Variants in GTSF1 observed in about 807,000 individuals in gnomAD.
GTSF1 encodes the protein gametocyte specific factor 1.
GTSF1 carries 11 observed loss-of-function variants against 28.9 expected under a neutral mutation model. That is an observed-to-expected ratio of 0.38 (90% confidence interval 0.24 to 0.63). The LOEUF (loss-of-function observed/expected upper bound fraction) is 0.63, where lower values mean the gene tolerates loss of function less well. GTSF1 is among the 30% of genes least tolerant of loss of function. GTSF1 has a pLI of 0.56. For synonymous variants in GTSF1, 69 were observed against 65.6 expected, an observed-to-expected ratio of 1.05 and a Z score of -0.25; for missense variants, 146 against 201.0, an observed-to-expected ratio of 0.73 and a Z score of 1.66.
At position 54,462,668 on chromosome 12, in the gene GTSF1, G is replaced by A. The variant is rs1956442737; in HGVS notation, c.302C>T (p.Pro101Leu). The change falls in exon 5 of 9, where the codon CCT becomes CTT. Residue 101 changes from proline to leucine, a missense_variant. Transcript: ENST00000305879. Reference protein sequence around the residue: ...ETLAESTWQCPPCDEDWDKDL... With the variant: ...ETLAESTWQCLPCDEDWDKDL... ...TTTATCCCAGTCTTCATCGCAAGGA[G>A]GGCACTGCCAAGTGCTCTCAGCCAG... 4 of 1,613,996 alleles carry A rather than the reference G, an allele frequency of 2.5e-6. No individual in the cohort carries two copies. Among genetic ancestry groups the A allele is most frequent in the Non-Finnish European group, 3.4e-6 (4 of 1,179,858 alleles).
chr12:54,473,200 C>T (rs757090882), intron 1 of GTSF1, among the ~76,000 whole-genome samples: 2 of 152,002 alleles, frequency 1.3e-5, no homozygotes, highest in Non-Finnish European at 2.9e-5. Flanking sequence ...ATGTAGTCGG[C>T]GGCTACTGGT....
intron 2 of GTSF1, among the ~76,000 whole-genome samples, chr12:54,470,652 T>A (rs921712975): frequency 6.6e-6 from 1 of 152,232 alleles, no homozygotes; most frequent in Non-Finnish European, 1.5e-5. Context: ...TGTGGTGTCA[T>A]GTAGGGTACT....
chr12:54,461,988 C>G (rs1956430293), intron 6 of GTSF1, 121 bp downstream of exon 6: 1 of 680,572 alleles, frequency 1.5e-6, no homozygotes, highest in Non-Finnish European at 2.6e-6. Flanking sequence ...AATATCTAGA[C>G]TAAACTACCA....
chr12:54,461,625 A>T (rs1267250777), intron 6 of GTSF1, among the ~76,000 whole-genome samples: 1 of 152,170 alleles, frequency 6.6e-6, no homozygotes, highest in Non-Finnish European at 1.5e-5. Context: ...CCTGGTTGAC[A>T]GAGTCCCTGT....
chr12:54,461,948 C>T (rs968286647), intron 6 of GTSF1, among the ~76,000 whole-genome samples, 161 bp downstream of exon 6: 1 of 152,090 alleles, frequency 6.6e-6, no homozygotes, highest in Admixed American at 6.5e-5. Context: ...CTTTTTGAAT[C>T]AAGGAATAAA....
intron 8 of GTSF1, among the ~76,000 whole-genome samples, chr12:54,456,946 G>A (rs1439840301): frequency 1.3e-5 from 2 of 152,146 alleles, no homozygotes; most frequent in East Asian, 1.9e-4. Flanking sequence ...TTAGCCGGGC[G>A]TGGTGGCACA....
rs922702483 is a variant in GTSF1, at chr12:54,459,928, G to T, written c.487+449C>A. On this transcript the variant is annotated intron_variant, in intron 7 of 8. Transcript: ENST00000305879. ...TTTTTAGTAGAGACGGGGTTTCACCGTTTTAGCCGGGATGGTCTCGATCTC... is the reference window on the plus strand; with the variant it reads ...TTTTTAGTAGAGACGGGGTTTCACCTTTTTAGCCGGGATGGTCTCGATCTC... 3.2e-3 allele frequency among the ~76,000 whole-genome samples: 395 copies of T among 125,236 alleles called. 45 individuals are homozygous for T. Among genetic ancestry groups the T allele is most frequent in the African/African-American group, 0.013 (386 of 29,962 alleles). 82.2% of individuals were successfully genotyped at this position (125,236 alleles called of 152,430 possible).
chr12:54,456,972 C>G (rs1227694839), intron 8 of GTSF1, among the ~76,000 whole-genome samples: 7 of 152,128 alleles, frequency 4.6e-5, no homozygotes, highest in African/African-American at 1.7e-4. Context: ...GTAATCCCAG[C>G]TATTTGGGAG....
chr12:54,459,025 C>A, intron 8 of GTSF1, 64 bp downstream of exon 8: 1 of 1,169,712 alleles, frequency 8.5e-7, no homozygotes, highest in Non-Finnish European at 1.2e-6. Context: ...ACCCAAATTG[C>A]TTTATGTCCA....
At chr12:54,459,423 T>C in intron 7 of GTSF1, 3 of 1,355,466 alleles carry the variant, frequency 2.2e-6, no homozygotes, top group Non-Finnish European at 2.9e-6. Flanking sequence ...GCTCAAACAG[T>C]AGCACAGACT....
In GTSF1 at chr12:54,456,945, C is replaced by T. The variant is rs560199181; in HGVS notation, c.*21-792G>A. Among the ~76,000 whole-genome samples the T allele has an allele frequency of 6.6e-5, 10 of 152,038 alleles. No individual in the cohort carries two copies. In the East Asian group the frequency reaches 1.7e-3, roughly 26 times the overall value. On this transcript the variant is annotated intron_variant, in intron 8 of 8. Coordinates refer to ENST00000305879, the MANE Select transcript of GTSF1 (RefSeq NM_144594.3). ...ACTAAAAATACAAAAATTAGCCGGG[C>T]GTGGTGGCACACACCTGTAATCCCA...
chr12:54,463,909 T>C (rs1420136995), intron 3 of GTSF1, among the ~76,000 whole-genome samples: 1 of 152,172 alleles, frequency 6.6e-6, no homozygotes, highest in Non-Finnish European at 1.5e-5. Flanking sequence ...AAAACCCAAA[T>C]GATAGAGTCT....
At position 54,460,434 on chromosome 12, in the gene GTSF1, G is replaced by A. The variant is rs771605551; in HGVS notation, c.430C>T (p.Leu144=). The A allele has an allele frequency of 1.9e-6, 3 of 1,614,040 alleles. No homozygotes were observed. The Admixed American group carries it at 5.0e-5, about 27-fold the overall frequency. The change falls in exon 7 of 9, where the codon CTG becomes TTG. Residue 144 remains leucine (L), a synonymous_variant. Transcript: ENST00000305879. ...SNIVTEHKNN[L]ASGMRVPKSL... is the part of the protein sequence containing the mutation. ...TTGGGAACTCGCATGCCTGAAGCCAGGTTATTCTTATGTTCTGTAACTATG... is the reference window on the plus strand; with the variant it reads ...TTGGGAACTCGCATGCCTGAAGCCAAGTTATTCTTATGTTCTGTAACTATG...
chr12:54,463,256 G>A lies in GTSF1; in HGVS notation c.159C>T (p.Phe53=), dbSNP rs1405549934. 6.2e-7 allele frequency: 1 copy of A among 1,613,938 alleles called. No homozygotes were observed. The highest frequency in any genetic ancestry group is 1.7e-5 in the Admixed American group (1 of 60,024). The change falls in exon 4 of 9, where the codon TTC becomes TTT. Residue 53 remains phenylalanine, a synonymous_variant. Coordinates refer to ENST00000305879, the MANE Select transcript of GTSF1 (RefSeq NM_144594.3). The stretch of plus-strand genomic sequence containing the variant: ...CTCGAGGAACCTGGTGGCGAGCATT[G>A]AAGGGACAAGTAGCCAATTTGCTTG... ...DVASKLATCP[F]NARHQVPRAE...
chr12:54,471,684 T>A (rs1221848308), intron 1 of GTSF1: 1 of 152,494 alleles, frequency 6.6e-6, no homozygotes, highest in Non-Finnish European at 1.5e-5. Context: ...TATTTAACAT[T>A]AGAGGGGGCA....
chr12:54,468,736 A>C (rs1956555515), intron 2 of GTSF1: 1 of 152,216 alleles, frequency 6.6e-6, no homozygotes, highest in Admixed American at 6.5e-5. Context: ...GAAGACAGAG[A>C]TGTTCAGGAA....
chr12:54,460,269 G>A (rs968872889), intron 7 of GTSF1, 108 bp downstream of exon 7: 15 of 772,170 alleles, frequency 1.9e-5, no homozygotes, highest in South Asian at 1.5e-4. Flanking sequence ...CTCACTTTAA[G>A]GGTCATGGAA....
chr12:54,459,474 G>C (rs1329243592), intron 7 of GTSF1: 2 of 1,305,842 alleles, frequency 1.5e-6, no homozygotes, highest in Non-Finnish European at 2.0e-6. Context: ...CATTGGAAAA[G>C]AAAGTTTGTA....
rs201643322 is a variant in GTSF1 at position 54,463,248 on chromosome 12, C to T, written c.167G>A (p.Arg56His). The T allele has an allele frequency of 1.2e-5, 19 of 1,613,738 alleles. No homozygotes were observed. The highest frequency in any genetic ancestry group is 8.0e-5 in the African/African-American group (6 of 74,902). Residue 56 changes from arginine (R) to histidine (H), a missense_variant, in exon 4 of 9, where the codon CGC (arginine) becomes CAC (histidine). Arg to His is a conservative substitution (Grantham distance 29, BLOSUM62 0). Coordinates refer to ENST00000305879, the MANE Select transcript of GTSF1 (RefSeq NM_144594.3). ...SKLATCPFNA[R>H]HQVPRAEISH... The stretch of plus-strand genomic sequence containing the variant: ...AATTTCAGCTCGAGGAACCTGGTGG[C>T]GAGCATTGAAGGGACAAGTAGCCAA...
Sources: gnomAD v4.1 joint callset for allele counts (sites outside exome capture counted in the v4.1 genomes callset) on GRCh38, gnomAD v4.1.1 for gene constraint, MANE v1.5 for transcripts, NCBI Gene and HGNC (gene_info 2026-07-23, HGNC 2026-07-21) for gene names.